MARCHF1: variants seen among roughly 807,000 people sequenced by gnomAD.
MARCHF1 encodes the protein membrane associated ring-CH-type finger 1.
In MARCHF1, 40 loss-of-function variants were observed where a neutral mutation model predicts 54.2. That is an observed-to-expected ratio of 0.74 (90% CI 0.57 to 0.96). The LOEUF is 0.96. Among genes scored for constraint, MARCHF1 ranks in the 40% least tolerant of loss-of-function variants. MARCHF1 has a pLI of 0.00. For missense variants in MARCHF1, 586 were observed against 656.5 expected, an observed-to-expected ratio of 0.89 and a Z score of 1.17; for synonymous variants, 236 against 236.3, an observed-to-expected ratio of 1.00 and a Z score of 0.01.
chr4:164,039,939 T>G (rs1035098866), intron 2 of MARCHF1, among the ~76,000 whole-genome samples: 9 of 148,894 alleles, frequency 6.0e-5, no homozygotes, highest in Non-Finnish European at 1.3e-4. Context: ...ATATTCATCT[T>G]GGATAAAATA....
At chr4:164,336,646 T>C (rs745946415) in intron 1 of MARCHF1, among the ~76,000 whole-genome samples, 1 of 152,214 alleles carries the variant, frequency 6.6e-6, no homozygotes, top group African/African-American at 2.4e-5. Context: ...ATCACGAATA[T>C]TATCTGTATA....
chr4:164,383,356 G>A (rs1445746998), intron 1 of MARCHF1: 1 of 152,370 alleles, frequency 6.6e-6, no homozygotes, highest in African/African-American at 2.4e-5. Flanking sequence ...CTAAACCCAA[G>A]ACAAAGGCTG....
chr4:164,258,546 C>T (rs79032107), intron 1 of MARCHF1, among the ~76,000 whole-genome samples: 2 of 151,798 alleles, frequency 1.3e-5, no homozygotes, highest in African/African-American at 4.8e-5. Context: ...GTCATTTTAC[C>T]GTTGTGTCTT....
intron 3 of MARCHF1, among the ~76,000 whole-genome samples, chr4:163,983,396 T>C (rs1752799435): frequency 6.6e-6 from 1 of 152,188 alleles, no homozygotes; most frequent in South Asian, 2.1e-4. Flanking sequence ...ACTTTGACCA[T>C]TATTATTTAT....
chr4:164,032,733 A>C (rs981754496), intron 2 of MARCHF1, among the ~76,000 whole-genome samples: 1 of 152,112 alleles, frequency 6.6e-6, no homozygotes, highest in Non-Finnish European at 1.5e-5. Context: ...GTATTTGCTG[A>C]GGAGTGTTTT....
intron 1 of MARCHF1, among the ~76,000 whole-genome samples, chr4:164,194,630 C>G (rs1391143590): frequency 1.3e-5 from 2 of 151,990 alleles, no homozygotes; most frequent in African/African-American, 4.8e-5. Context: ...ATAGCACTGA[C>G]TAATATCAAA....
At chr4:164,205,687 C>A (rs1731587242) in intron 1 of MARCHF1, among the ~76,000 whole-genome samples, 1 of 151,438 alleles carries the variant, frequency 6.6e-6, no homozygotes, top group African/African-American at 2.4e-5. Flanking sequence ...TTTGTTATTT[C>A]TTTGCTCTTA....
At chr4:164,152,366 G>T (rs559325039) in intron 1 of MARCHF1, among the ~76,000 whole-genome samples, 1 of 152,160 alleles carries the variant, frequency 6.6e-6, no homozygotes, top group South Asian at 2.1e-4. Context: ...ACTAAGCTCC[G>T]ATTTTTTATC....
At chr4:164,196,549 T>G (rs764048410) in intron 1 of MARCHF1, among the ~76,000 whole-genome samples, 2 of 152,202 alleles carry the variant, frequency 1.3e-5, no homozygotes, top group Non-Finnish European at 2.9e-5. Flanking sequence ...ACATTTTCAT[T>G]GTAAATATTT....
At chr4:163,865,725 G>C (rs1266090135) in intron 3 of MARCHF1, among the ~76,000 whole-genome samples, 6 of 151,512 alleles carry the variant, frequency 4.0e-5, no homozygotes, top group Admixed American at 4.0e-4. Flanking sequence ...ACAACAGCTG[G>C]GGTGGGGGTG....
chr4:164,343,254 A>G (rs1370239332), intron 1 of MARCHF1, among the ~76,000 whole-genome samples: 2 of 151,954 alleles, frequency 1.3e-5, no homozygotes, highest in Non-Finnish European at 1.5e-5. Context: ...GTACACCTTA[A>G]ATATATACAA....
intron 1 of MARCHF1, among the ~76,000 whole-genome samples, chr4:164,354,420 C>G (rs1308837391): frequency 7.4e-6 from 1 of 135,352 alleles, no homozygotes; most frequent in African/African-American, 2.8e-5. Flanking sequence ...CCACCATGAT[C>G]AAGTGGGCTT....
intron 3 of MARCHF1, among the ~76,000 whole-genome samples, chr4:163,877,394 A>C (rs1750313141): frequency 6.6e-6 from 1 of 151,680 alleles, no homozygotes; most frequent in South Asian, 2.1e-4. Flanking sequence ...CTCTGAAAAA[A>C]TTACCACTGC....
intron 4 of MARCHF1, among the ~76,000 whole-genome samples, chr4:163,767,175 G>GT (rs202183252): frequency 0.026 from 3,930 of 149,098 alleles, 78 homozygotes; most frequent in Non-Finnish European, 0.044. Flanking sequence ...TGACTCTACA[G>GT]TTTTTTTAGA....
chr4:164,260,688 TAGAA>T (rs1177213894), intron 1 of MARCHF1, among the ~76,000 whole-genome samples: 2 of 152,246 alleles, frequency 1.3e-5, no homozygotes, highest in African/African-American at 4.8e-5. Flanking sequence ...TAGGAACTCA[TAGAA>T]AGACCAACTT....
chr4:163,664,186 T>G (rs904872272), intron 5 of MARCHF1, among the ~76,000 whole-genome samples: 1 of 152,132 alleles, frequency 6.6e-6, no homozygotes, highest in South Asian at 2.1e-4. Context: ...CATCTCTATT[T>G]GCCTTTTCCT....
intron 2 of MARCHF1, among the ~76,000 whole-genome samples, chr4:164,100,307 G>A (rs1050313781): frequency 6.6e-6 from 1 of 152,218 alleles, no homozygotes; most frequent in African/African-American, 2.4e-5. Flanking sequence ...CTCATTAAGA[G>A]AGTCAACTCA....
chr4:163,686,017 T>C (rs1443481224), intron 5 of MARCHF1, among the ~76,000 whole-genome samples: 1 of 152,186 alleles, frequency 6.6e-6, no homozygotes, highest in Non-Finnish European at 1.5e-5. Context: ...ATCTTCAAAT[T>C]GTAAATCTGT....
chr4:163,910,487 C>G (rs1265540335), intron 3 of MARCHF1, among the ~76,000 whole-genome samples: 2 of 147,192 alleles, frequency 1.4e-5, no homozygotes, highest in African/African-American at 5.4e-5. Context: ...AAATAGCAAT[C>G]TTTTGTTGTT....
Sources: allele counts gnomAD v4.1 joint callset (sites outside exome capture counted in the v4.1 genomes callset), GRCh38; gene constraint gnomAD v4.1.1; transcripts MANE v1.5; gene names NCBI Gene and HGNC (gene_info 2026-07-23, HGNC 2026-07-21).